Variants in TNS3 observed in about 807,000 individuals in gnomAD.
TNS3 encodes tensin-3.
In TNS3, 45 loss-of-function variants were observed where a neutral mutation model predicts 140.9. The ratio of observed to expected loss-of-function variants is 0.32; its 90% CI spans 0.25 to 0.41. The LOEUF is 0.41. Among genes scored for constraint, TNS3 ranks in the 10% least tolerant of loss-of-function variants. The probability of loss-of-function intolerance (pLI) is 1.00; values close to 1 mark genes in which losing one functional copy is unlikely to be tolerated. For synonymous variants in TNS3, 815 were observed against 788.4 expected, an observed-to-expected ratio of 1.03 and a Z score of -0.56; for missense variants, 1,716 against 1,906.7, an observed-to-expected ratio of 0.90 and a Z score of 1.86.
chr7:47,471,649 GT>G (rs780152180), intron 4 of TNS3, among the ~76,000 whole-genome samples: 2 of 152,214 alleles, frequency 1.3e-5, no homozygotes, highest in Non-Finnish European at 2.9e-5. Flanking sequence ...ATCTTCTGCT[GT>G]TTATCTGCCC....
chr7:47,447,433 C>T (rs951138061), intron 4 of TNS3, among the ~76,000 whole-genome samples: 2 of 152,148 alleles, frequency 1.3e-5, no homozygotes, highest in African/African-American at 4.8e-5. Flanking sequence ...AGCACACAGG[C>T]TCCACATCAG....
At chr7:47,405,934 A>G (rs1057191485) in intron 13 of TNS3, among the ~76,000 whole-genome samples, 2 of 152,072 alleles carry the variant, frequency 1.3e-5, no homozygotes, top group African/African-American at 2.4e-5. Context: ...GATTTGTCCA[A>G]GCAGGGGCAG....
rs192023127 is a variant in TNS3, at chr7:47,291,717, T to G, written c.3928+238A>C. On this transcript the variant is annotated intron_variant, in intron 27 of 30. Transcript: ENST00000311160. ...TTTCCCCCAAACTAAATCCAGGGCT[T>G]GACATTTATTCCACTGAATTTAGTC... 1.1e-4 allele frequency among the ~76,000 whole-genome samples: 16 copies of G among 152,342 alleles called. No individual in the cohort carries two copies. In the East Asian group the frequency reaches 2.7e-3, roughly 26 times the overall value.
intron 20 of TNS3, among the ~76,000 whole-genome samples, chr7:47,340,166 A>G (rs1173946764): frequency 1.8e-5 from 2 of 113,002 alleles, no homozygotes; most frequent in African/African-American, 3.5e-5. Context: ...GCTCGTCGCC[A>G]GGCTGGAATG....
intron 3 of TNS3, among the ~76,000 whole-genome samples, chr7:47,484,364 T>C (rs1797534883): frequency 6.6e-6 from 1 of 152,188 alleles, no homozygotes; most frequent in Non-Finnish European, 1.5e-5. Flanking sequence ...CAGAGGGCAC[T>C]TGTTCTTTCA....
intron 2 of TNS3, among the ~76,000 whole-genome samples, chr7:47,512,104 G>A (rs1239215920): frequency 6.6e-6 from 1 of 152,276 alleles, no homozygotes; most frequent in Non-Finnish European, 1.5e-5. Flanking sequence ...AGGTTAAGCA[G>A]TGACACCAGC....
At chr7:47,375,833 T>A (rs749089545) in intron 16 of TNS3, among the ~76,000 whole-genome samples, 2 of 152,178 alleles carry the variant, frequency 1.3e-5, no homozygotes, top group Non-Finnish European at 2.9e-5. Flanking sequence ...TGATGTGTAA[T>A]CCACTGAACT....
chr7:47,467,722 AG>A (rs927548719), intron 4 of TNS3, among the ~76,000 whole-genome samples: 1 of 152,166 alleles, frequency 6.6e-6, no homozygotes. Context: ...GAGCCACAGG[AG>A]ACCACAGATT....
chr7:47,340,967 ACT>A (rs1347927457), intron 20 of TNS3, among the ~76,000 whole-genome samples: 1 of 150,680 alleles, frequency 6.6e-6, no homozygotes, highest in Non-Finnish European at 1.5e-5. Flanking sequence ...ATTTTGCCAA[ACT>A]CTTTTTATTC....
intron 27 of TNS3, among the ~76,000 whole-genome samples, chr7:47,285,404 C>T (rs937732106): frequency 3.3e-5 from 5 of 152,108 alleles, no homozygotes; most frequent in African/African-American, 4.8e-5. Flanking sequence ...GGGTTTTTCC[C>T]ATGCTGTTCT....
chr7:47,349,615 C>T lies in TNS3; in HGVS notation c.2282-3259G>A, dbSNP rs543697499. ...CCCTGCAGGGTCCTGCTTTCCATTC[C>T]CAAAAGGGAAAAGACACAGGCACAC... On this transcript the variant is annotated intron_variant, in intron 17 of 30. Coordinates refer to ENST00000311160, the MANE Select transcript of TNS3 (RefSeq NM_022748.12). 1.8e-4 allele frequency among the ~76,000 whole-genome samples: 27 copies of T among 152,330 alleles called. No individual in the cohort carries two copies. The East Asian group carries it at 4.8e-3, about 27-fold the overall frequency.
intron 1 of TNS3, among the ~76,000 whole-genome samples, chr7:47,530,913 G>A (rs1385274005): frequency 6.9e-6 from 1 of 145,518 alleles, no homozygotes; most frequent in East Asian, 2.0e-4. Flanking sequence ...TAATCAAATT[G>A]CTTAAACCCA....
chr7:47,340,687 C>T (rs1405847623), intron 20 of TNS3, among the ~76,000 whole-genome samples: 4 of 148,526 alleles, frequency 2.7e-5, no homozygotes, highest in Admixed American at 6.9e-5. Context: ...CTGGGATTTT[C>T]TGTTTGGACA....
intron 3 of TNS3, 167 bp from the exon 4 acceptor site, chr7:47,481,308 G>A: frequency 2.2e-6 from 1 of 448,270 alleles, no homozygotes; most frequent in Non-Finnish European, 3.8e-6. Flanking sequence ...AGAGAGTCCA[G>A]GGTTTTGTTC....
At chr7:47,409,512 G>A (rs896978335) in intron 13 of TNS3, among the ~76,000 whole-genome samples, 2 of 152,144 alleles carry the variant, frequency 1.3e-5, no homozygotes, top group African/African-American at 2.4e-5. Context: ...GGAGCCGTGG[G>A]GCAATAACTA....
chr7:47,401,259 T>C (rs1488061272), intron 13 of TNS3, among the ~76,000 whole-genome samples: 2 of 152,228 alleles, frequency 1.3e-5, no homozygotes, highest in African/African-American at 4.8e-5. Context: ...GTGCCCTGTT[T>C]TGGAACACAT....
At chr7:47,399,662 T>C (rs1249341457) in intron 15 of TNS3, among the ~76,000 whole-genome samples, 1 of 152,274 alleles carries the variant, frequency 6.6e-6, no homozygotes, top group Non-Finnish European at 1.5e-5. Flanking sequence ...CACCTTATAT[T>C]ATAAAAATCA....
At chr7:47,419,262 TG>T in intron 10 of TNS3, among the ~76,000 whole-genome samples, 1 of 152,320 alleles carries the variant, frequency 6.6e-6, no homozygotes, top group Non-Finnish European at 1.5e-5. Context: ...TCAGAGGGGA[TG>T]TCCAGGCCCA....
intron 1 of TNS3, chr7:47,581,565 G>C (rs1252082295): frequency 6.6e-6 from 1 of 152,318 alleles, no homozygotes; most frequent in African/African-American, 2.4e-5. Flanking sequence ...CAGCGACTGC[G>C]ACATAGCTGC....
Sources: gnomAD v4.1 joint callset for allele counts (sites outside exome capture counted in the v4.1 genomes callset) on GRCh38, gnomAD v4.1.1 for gene constraint, MANE v1.5 for transcripts, NCBI Gene and HGNC (gene_info 2026-07-23, HGNC 2026-07-21) for gene names.